KPNA4: variants seen among roughly 807,000 people sequenced by gnomAD.
KPNA4 encodes the protein karyopherin subunit alpha 4.
KPNA4 carries 13 observed loss-of-function variants against 71.3 expected under a neutral mutation model. The ratio of observed to expected loss-of-function variants is 0.18; its 90% CI spans 0.12 to 0.29. The LOEUF (loss-of-function observed/expected upper bound fraction) is 0.29. KPNA4 is among the 10% of genes least tolerant of loss of function. The probability of loss-of-function intolerance (pLI) is 1.00; values close to 1 mark genes in which losing one functional copy is unlikely to be tolerated. For synonymous variants in KPNA4, 189 were observed against 195.2 expected, an observed-to-expected ratio of 0.97 and a Z score of 0.26; for missense variants, 334 against 603.2, an observed-to-expected ratio of 0.55 and a Z score of 4.67.
chr3:160,535,015 C>T (rs1721658583), intron 5 of KPNA4, among the ~76,000 whole-genome samples: 1 of 151,976 alleles, frequency 6.6e-6, no homozygotes. Context: ...AGCCACCTCG[C>T]CCGGCCGTCA....
intron 1 of KPNA4, among the ~76,000 whole-genome samples, chr3:160,555,991 C>T (rs2108561234): frequency 6.6e-6 from 1 of 152,238 alleles, no homozygotes; most frequent in African/African-American, 2.4e-5. Context: ...GCCACCATGC[C>T]TGGCTAATTT....
intron 11 of KPNA4, among the ~76,000 whole-genome samples, chr3:160,519,609 A>ACAGC (rs1721301938): frequency 6.6e-6 from 1 of 151,336 alleles, no homozygotes; most frequent in Non-Finnish European, 1.5e-5. Context: ...CCTGGCTAAC[A>ACAGC]AGGTGAAACC....
At chr3:160,539,658 G>A (rs571703462) in intron 1 of KPNA4, among the ~76,000 whole-genome samples, 1 of 150,320 alleles carries the variant, frequency 6.7e-6, no homozygotes, top group South Asian at 2.1e-4. Flanking sequence ...AGCAATTCTA[G>A]TAACAAAAAA....
chr3:160,496,293 T>C lies in KPNA4; in HGVS notation c.*5811A>G, dbSNP rs1720761705. 1 of 152,192 alleles carries C rather than the reference T, an allele frequency of 6.6e-6. No individual in the cohort carries two copies. Among genetic ancestry groups the C allele is most frequent in the South Asian group, 2.1e-4 (1 of 4,824 alleles). The allele number at this position is 152,192 out of a possible 1,614,324, so 9.4% of individuals were successfully genotyped here. On this transcript the variant is annotated 3_prime_UTR_variant, in exon 17 of 17. Transcript: ENST00000334256. The stretch of plus-strand genomic sequence containing the variant: ...ACAAGAAAGAGTAAAATGGTAACTA[T>C]GCACAAAGGATGGGGGAAAGGTGGC...
In KPNA4 at chr3:160,558,235, G is replaced by T. The variant is rs976778386; in HGVS notation, c.69+6979C>A. On this transcript the variant is annotated intron_variant, in intron 1 of 16. Coordinates refer to ENST00000334256, the MANE Select transcript of KPNA4 (RefSeq NM_002268.5). Reference sequence around the variant, plus strand: ...TGGCTGAAGTATGTGGGAGAAAGTAGGTTTTCAGGTGACTGTTAAATAAGG... The same window carrying T: ...TGGCTGAAGTATGTGGGAGAAAGTATGTTTTCAGGTGACTGTTAAATAAGG... Among the ~76,000 whole-genome samples the T allele has an allele frequency of 3.0e-4, 46 of 152,272 alleles. 1 individual carries two copies. Among genetic ancestry groups the T allele is most frequent in the African/African-American group, 9.6e-4 (40 of 41,572 alleles).
chr3:160,500,790 C>T lies in KPNA4; in HGVS notation c.*1314G>A, dbSNP rs1720862377. 1 of 152,574 alleles carries T rather than the reference C, an allele frequency of 6.6e-6. No individual in the cohort carries two copies. Among genetic ancestry groups the T allele is most frequent in the Non-Finnish European group, 1.5e-5 (1 of 68,018 alleles). 9.5% of individuals were successfully genotyped at this position (152,574 alleles called of 1,614,324 possible). ...TTGATTTGTACATCTACTCAAACCT[C>T]TTCATCGGTCTTTATTCAGCAGTAC... On this transcript the variant is annotated 3_prime_UTR_variant, in exon 17 of 17. Transcript: ENST00000334256.
intron 11 of KPNA4, among the ~76,000 whole-genome samples, chr3:160,519,719 C>T (rs927028248): frequency 7.6e-5 from 11 of 145,142 alleles, no homozygotes; most frequent in African/African-American, 1.0e-4. Flanking sequence ...GGCGTGAACC[C>T]GGGAAGCGGA....
rs1721055528 is a variant in KPNA4 at position 160,509,788 on chromosome 3, AG to A, written c.1209+11del. 6.5e-7 allele frequency: 1 copy of A among 1,544,234 alleles called. No homozygotes were observed. The highest frequency in any genetic ancestry group is 9.0e-7 in the Non-Finnish European group (1 of 1,117,208). ...CAGTTTTGAGAAATAAATTTTAAAAAGCTCAACTTACTTGATCTTTCCTTCC... is the reference window on the plus strand; with the variant it reads ...CAGTTTTGAGAAATAAATTTTAAAAACTCAACTTACTTGATCTTTCCTTCC... On this transcript the variant is annotated intron_variant, in intron 14 of 16. Transcript: ENST00000334256.
At chr3:160,505,625 G>A (rs1414377676) in intron 15 of KPNA4, among the ~76,000 whole-genome samples, 2 of 152,024 alleles carry the variant, frequency 1.3e-5, no homozygotes, top group Non-Finnish European at 2.9e-5. Context: ...TACACAAATT[G>A]GATCCTGTTT....
intron 1 of KPNA4, among the ~76,000 whole-genome samples, chr3:160,543,177 T>C (rs1357735412): frequency 6.6e-6 from 1 of 152,186 alleles, no homozygotes; most frequent in Non-Finnish European, 1.5e-5. Flanking sequence ...CCTCCCAGGA[T>C]GATTTCCTAG....
chr3:160,513,653 A>G (rs962460063), intron 13 of KPNA4, among the ~76,000 whole-genome samples: 5 of 152,114 alleles, frequency 3.3e-5, no homozygotes, highest in Middle Eastern at 3.2e-3. Flanking sequence ...CTTATTTGCT[A>G]TTTGATTTTG....
At chr3:160,551,939 T>TG (rs56941217) in intron 1 of KPNA4, among the ~76,000 whole-genome samples, 2,106 of 62,018 alleles carry the variant, frequency 0.034, 102 homozygotes, top group Non-Finnish European at 0.046. Context: ...TTGTCACAAC[T>TG]GGGGGGGGGG....
At chr3:160,509,915 G>C in intron 13 of KPNA4, 44 bp from the exon 14 acceptor site, 2 of 1,232,970 alleles carry the variant, frequency 1.6e-6, no homozygotes, top group Non-Finnish European at 2.4e-6. Flanking sequence ...GCCACATAGA[G>C]TAAACTGGAA....
chr3:160,547,807 T>C (rs1721954056), intron 1 of KPNA4, among the ~76,000 whole-genome samples: 1 of 152,334 alleles, frequency 6.6e-6, no homozygotes, highest in Admixed American at 6.5e-5. Flanking sequence ...TAGTTGGAAG[T>C]ATAGAGTATA....
At chr3:160,565,154 C>G (rs1159988672) in intron 1 of KPNA4, 60 bp downstream of exon 1, 3 of 1,416,246 alleles carry the variant, frequency 2.1e-6, no homozygotes, top group African/African-American at 1.4e-5. Flanking sequence ...CTCGGGGTCC[C>G]GGCGGAGACC....
intron 10 of KPNA4, among the ~76,000 whole-genome samples, chr3:160,524,829 CTGTT>C (rs1384717018): frequency 6.6e-6 from 1 of 152,206 alleles, no homozygotes; most frequent in Non-Finnish European, 1.5e-5. Context: ...TATTATGTCA[CTGTT>C]TGATACAGTA....
chr3:160,565,187 C>A (rs1407687046), intron 1 of KPNA4, 27 bp downstream of exon 1: 2 of 1,583,534 alleles, frequency 1.3e-6, no homozygotes, highest in African/African-American at 1.4e-5. Context: ...ACAGCCCCCA[C>A]CCCTCCGGCG....
At position 160,499,513 on chromosome 3, in the gene KPNA4, A is replaced by C. The variant is rs1720835948; in HGVS notation, c.*2591T>G. The C allele has an allele frequency of 6.6e-6, 1 of 152,104 alleles. No individual in the cohort carries two copies. The highest frequency in any genetic ancestry group is 1.5e-5 in the Non-Finnish European group (1 of 67,992). The allele number at this position is 152,104 out of a possible 1,614,324, so 9.4% of individuals were successfully genotyped here. On this transcript the variant is annotated 3_prime_UTR_variant, in exon 17 of 17. Transcript: ENST00000334256. ...AAAAAAAAAAAGTGTTTAACCAGGT[A>C]ACCGTGATGAACTGTCAACTGTACT...
chr3:160,535,901 A>G lies in KPNA4; in HGVS notation c.115-4T>C. ...AGAGATGTTCATCTCTTTTATTCTT[A>G]AAAAAAAAAAAAAAAAAAAAAAAAC... is the stretch of plus-strand genomic sequence containing the variant. On this transcript the variant is annotated splice_region_variant and splice_polypyrimidine_tract_variant and intron_variant, in intron 2 of 16. Coordinates refer to ENST00000334256, the MANE Select transcript of KPNA4 (RefSeq NM_002268.5). 2.8e-6 allele frequency: 1 copy of G among 361,804 alleles called. No individual in the cohort carries two copies. The highest frequency in any genetic ancestry group is 3.5e-6 in the Non-Finnish European group (1 of 281,846). 22.4% of individuals were successfully genotyped at this position (361,804 alleles called of 1,614,324 possible).
Sources: allele counts gnomAD v4.1 joint callset (sites outside exome capture counted in the v4.1 genomes callset), GRCh38; gene constraint gnomAD v4.1.1; transcripts MANE v1.5; gene names NCBI Gene and HGNC (gene_info 2026-07-23, HGNC 2026-07-21).